The following HNMT variants were observed in gnomAD, a reference collection of about 807,000 sequenced individuals.
HNMT encodes histamine N-methyltransferase.
In HNMT, 30 loss-of-function variants were observed where a neutral mutation model predicts 32.1. That is an observed-to-expected ratio of 0.93 (90% CI 0.70 to 1.27). HNMT has a LOEUF of 1.27. Ranked by LOEUF, HNMT falls within the 50% of genes most tolerant of loss-of-function variation. The pLI is 0.00. For synonymous variants in HNMT, 125 were observed against 119.0 expected, an observed-to-expected ratio of 1.05 and a Z score of -0.33; for missense variants, 327 against 346.0, an observed-to-expected ratio of 0.95 and a Z score of 0.43.
At position 138,014,376 on chromosome 2, in the gene HNMT, A is replaced by G. The variant is rs1238487467; in HGVS notation, c.*246A>G. 1.6e-5 allele frequency: 6 copies of G among 365,454 alleles called. No homozygotes were observed. Among genetic ancestry groups the G allele is most frequent in the African/African-American group, 4.1e-5 (2 of 48,388 alleles). 22.6% of individuals were successfully genotyped at this position (365,454 alleles called of 1,614,324 possible). A position where few individuals can be genotyped will look rare whatever the true frequency, so the allele number is the denominator to read the frequency against. ...AGGCTCAACATAACATAAGCTAGAA[A>G]AATTAGATGACTGAATTTCTATGGC... On this transcript the variant is annotated 3_prime_UTR_variant, in exon 6 of 6. Transcript: ENST00000280097.
chr2:137,985,386 G>T (rs1247494595), intron 2 of HNMT, among the ~76,000 whole-genome samples: 1 of 152,124 alleles, frequency 6.6e-6, no homozygotes, highest in East Asian at 1.9e-4. Flanking sequence ...GTAGAGGGTT[G>T]GTAGAGCTTT....
chr2:137,971,343 C>A (rs1409091304), intron 2 of HNMT, among the ~76,000 whole-genome samples: 1 of 152,086 alleles, frequency 6.6e-6, no homozygotes, highest in Non-Finnish European at 1.5e-5. Flanking sequence ...CCGCACCTGG[C>A]TAATTTTTGT....
rs955256909 is a variant in HNMT at position 137,976,004 on chromosome 2, C to T, written c.190+5787C>T. ...CCTGTTGGCTGGGCCTGGTGGCTCA[C>T]GCCTGTAATCCCAGTACTTTGGGAG... is the stretch of plus-strand genomic sequence containing the variant. On this transcript the variant is annotated intron_variant, in intron 2 of 5. Transcript: ENST00000280097. 7.9e-5 allele frequency among the ~76,000 whole-genome samples: 12 copies of T among 152,254 alleles called. No homozygotes were observed. The East Asian group carries it at 1.5e-3, about 20-fold the overall frequency.
intron 2 of HNMT, among the ~76,000 whole-genome samples, chr2:137,990,521 G>T (rs1315883466): frequency 6.6e-6 from 1 of 152,028 alleles, no homozygotes; most frequent in East Asian, 1.9e-4. Context: ...GATAGTGTCG[G>T]TTCTCCAACT....
At chr2:137,992,853 C>T (rs1218534373) in intron 2 of HNMT, among the ~76,000 whole-genome samples, 2 of 152,126 alleles carry the variant, frequency 1.3e-5, no homozygotes, top group African/African-American at 4.8e-5. Context: ...TTGCTGTTCT[C>T]CAGCCTCTTT....
intron 2 of HNMT, among the ~76,000 whole-genome samples, chr2:137,998,564 C>T (rs891539784): frequency 1.1e-4 from 17 of 152,030 alleles, no homozygotes; most frequent in African/African-American, 3.9e-4. Context: ...TTATTTTTGT[C>T]AGGAATCCAG....
intron 2 of HNMT, among the ~76,000 whole-genome samples, chr2:137,993,453 C>T (rs1363674687): frequency 6.6e-6 from 1 of 151,528 alleles, no homozygotes; most frequent in Non-Finnish European, 1.5e-5. Context: ...GAAAGAATAT[C>T]AGAGTCTGAA....
chr2:138,015,370 G>A lies in HNMT; in HGVS notation c.*1240G>A, dbSNP rs1334106077. The A allele has an allele frequency of 2.0e-5, 3 of 151,990 alleles. No homozygotes were observed. Among genetic ancestry groups the A allele is most frequent in the Non-Finnish European group, 4.4e-5 (3 of 67,996 alleles). 9.4% of individuals were successfully genotyped at this position (151,990 alleles called of 1,614,324 possible). A position where few individuals can be genotyped will look rare whatever the true frequency, so the allele number is the denominator to read the frequency against. ...TGCCAGTGAGGAAGCCTTCAACCCC[G>A]TGTGATACTCACTCTTTCATGCAAT... On this transcript the variant is annotated 3_prime_UTR_variant, in exon 6 of 6. Transcript: ENST00000280097.
At chr2:137,994,049 G>A (rs551294049) in intron 2 of HNMT, among the ~76,000 whole-genome samples, 4 of 152,248 alleles carry the variant, frequency 2.6e-5, no homozygotes, top group African/African-American at 9.6e-5. Flanking sequence ...AAAGCCAGGA[G>A]CAGCCACTGC....
intron 5 of HNMT, among the ~76,000 whole-genome samples, chr2:138,007,096 G>A (rs1458441427): frequency 1.3e-5 from 2 of 152,004 alleles, no homozygotes; most frequent in African/African-American, 4.8e-5. Context: ...ACATTTGACA[G>A]ATGATTAAAG....
chr2:138,012,085 T>C (rs921604992), intron 5 of HNMT, among the ~76,000 whole-genome samples: 13 of 152,158 alleles, frequency 8.5e-5, no homozygotes, highest in African/African-American at 2.4e-4. Flanking sequence ...CTTGCTTTTT[T>C]AGTCTCAAGA....
chr2:137,984,667 G>C (rs1005384510), intron 2 of HNMT, among the ~76,000 whole-genome samples: 1 of 152,066 alleles, frequency 6.6e-6, no homozygotes, highest in Non-Finnish European at 1.5e-5. Context: ...TGAACACTAA[G>C]TAAATATTGG....
At chr2:137,970,303 T>A (rs964010296) in intron 2 of HNMT, 86 bp downstream of exon 2, 2 of 281,256 alleles carry the variant, frequency 7.1e-6, no homozygotes, top group Admixed American at 5.4e-5. Context: ...TTAGGAAGAC[T>A]TTTTTTTTTT....
chr2:137,965,876 A>G (rs972137525), intron 1 of HNMT, among the ~76,000 whole-genome samples: 1 of 152,176 alleles, frequency 6.6e-6, no homozygotes, highest in African/African-American at 2.4e-5. Flanking sequence ...AGATAACATA[A>G]TCGATGATGA....
chr2:138,001,386 A>G (rs966653707), intron 3 of HNMT, among the ~76,000 whole-genome samples: 1 of 152,188 alleles, frequency 6.6e-6, no homozygotes, highest in Non-Finnish European at 1.5e-5. Context: ...GCAAAGGCCA[A>G]ATAGTAAATA....
chr2:138,014,327 C>T lies in HNMT; in HGVS notation c.*197C>T. 4.3e-6 allele frequency: 2 copies of T among 468,098 alleles called. No homozygotes were observed. The highest frequency in any genetic ancestry group is 7.6e-6 in the Non-Finnish European group (2 of 264,756). 29.0% of individuals were successfully genotyped at this position (468,098 alleles called of 1,614,324 possible). A position where few individuals can be genotyped will look rare whatever the true frequency, so the allele number is the denominator to read the frequency against. ...ATACTGCTGGTCTTATCCTGTCCCT[C>T]CTCCAGGTAGAGAGACCACAAGCAG... On this transcript the variant is annotated 3_prime_UTR_variant, in exon 6 of 6. Coordinates refer to ENST00000280097, the MANE Select transcript of HNMT (RefSeq NM_006895.3).
Position 138,014,016 on chromosome 2 carries a change from AC to A in HNMT, c.767del (p.Pro256LeufsTer30), listed in dbSNP as rs530844782. 2.2e-4 allele frequency: 361 copies of A among 1,613,602 alleles called. No homozygotes were observed. Among genetic ancestry groups the A allele is most frequent in the Non-Finnish European group, 2.9e-4 (339 of 1,179,768 alleles). ...ETCNFNATAP[P>X]DLRAELGKDL... ...CCTGCAACTTTAATGCCACAGCACCACCTGATCTCAGAGCAGAGCTTGGGAA... is the reference window on the plus strand; with the variant it reads ...CCTGCAACTTTAATGCCACAGCACCACTGATCTCAGAGCAGAGCTTGGGAA... On this transcript the variant is annotated frameshift_variant, in exon 6 of 6. Coordinates refer to ENST00000280097, the MANE Select transcript of HNMT (RefSeq NM_006895.3). LOFTEE classifies it high-confidence loss of function.
chr2:137,974,908 T>C (rs1387761962), intron 2 of HNMT, among the ~76,000 whole-genome samples: 2 of 152,314 alleles, frequency 1.3e-5, no homozygotes, highest in Admixed American at 1.3e-4. Context: ...TTGATGGGTC[T>C]CCTGTTCTGC....
In HNMT at chr2:137,973,182, C is replaced by T. The variant is rs184990069; in HGVS notation, c.190+2965C>T. ...CAACTAAGTTATATGAAATCAAAAG[C>T]AATGCATTTAAAATCCCTAGGTCTA... On this transcript the variant is annotated intron_variant, in intron 2 of 5. Transcript: ENST00000280097. Among the ~76,000 whole-genome samples, 18 of 152,200 alleles carry T rather than the reference C, an allele frequency of 1.2e-4. No homozygotes were observed. In the East Asian group the frequency reaches 2.1e-3, roughly 18 times the overall value.
Sources: gnomAD v4.1 joint callset for allele counts (sites outside exome capture counted in the v4.1 genomes callset) on GRCh38, gnomAD v4.1.1 for gene constraint, MANE v1.5 for transcripts, NCBI Gene and HGNC (gene_info 2026-07-23, HGNC 2026-07-21) for gene names.